RCAN1: variants seen among roughly 807,000 people sequenced by gnomAD.
RCAN1 encodes calcipressin-1.
Under a neutral mutation model 22.9 loss-of-function variants are expected in RCAN1, and 11 were observed. The observed-to-expected ratio is 0.48, with a 90% CI of 0.30 to 0.79. RCAN1 has a LOEUF of 0.79. RCAN1 is among the 30% of genes least tolerant of loss of function. The probability of loss-of-function intolerance (pLI) is 0.06; values close to 1 mark genes in which losing one functional copy is unlikely to be tolerated. For missense variants in RCAN1, 291 were observed against 337.8 expected, an observed-to-expected ratio of 0.86 and a Z score of 1.09; for synonymous variants, 136 against 142.3, an observed-to-expected ratio of 0.96 and a Z score of 0.32.
chr21:34,593,469 C>T (rs1393370755), intron 1 of RCAN1, among the ~76,000 whole-genome samples: 2 of 152,224 alleles, frequency 1.3e-5, no homozygotes, highest in African/African-American at 4.8e-5. Context: ...GGCAGAAGTG[C>T]CACCCTTTCA....
At chr21:34,586,094 G>A (rs1006127745) in intron 1 of RCAN1, among the ~76,000 whole-genome samples, 1 of 152,152 alleles carries the variant, frequency 6.6e-6, no homozygotes, top group Non-Finnish European at 1.5e-5. Flanking sequence ...AAATCATGGT[G>A]GGAAATTTTA....
chr21:34,545,224 C>T (rs988458160), intron 1 of RCAN1, among the ~76,000 whole-genome samples: 3 of 152,206 alleles, frequency 2.0e-5, no homozygotes, highest in Non-Finnish European at 4.4e-5. Flanking sequence ...GCTTCTTGCT[C>T]TCAGAGGGAG....
In RCAN1 at chr21:34,614,902, G is replaced by A; in HGVS notation, c.110C>T (p.Ser37Leu). The A allele has an allele frequency of 2.1e-6, 3 of 1,429,400 alleles. No individual in the cohort carries two copies. The highest frequency in any genetic ancestry group is 2.8e-6 in the Non-Finnish European group (3 of 1,085,048). 88.5% of individuals were successfully genotyped at this position (1,429,400 alleles called of 1,614,324 possible). The change falls in exon 1 of 4, where the codon TCG (serine) becomes TTG (leucine). Residue 37 changes from serine (S) to leucine (L), a missense_variant. By Grantham distance (145) the Ser-to-Leu change is moderately radical. Transcript: ENST00000313806. The surrounding 1 kb of genome is among the most constrained non-coding windows in gnomAD (Gnocchi z 6.0). ...GCCCTCGTCCGCCTCGGCCGCCCCC[G>A]AGAGGGGCGCGAAGGGCCGCAGCGT... is the stretch of plus-strand genomic sequence containing the variant. ...GVTLRPFAPL[S>L]GAAEADEGGG...
At chr21:34,536,651 G>A (rs1985685132) in intron 1 of RCAN1, among the ~76,000 whole-genome samples, 1 of 149,548 alleles carries the variant, frequency 6.7e-6, no homozygotes, top group Admixed American at 6.6e-5. Flanking sequence ...GCAGTGAGGG[G>A]TCCAGGCACA....
At chr21:34,552,438 G>C (rs1396053876) in intron 1 of RCAN1, among the ~76,000 whole-genome samples, 2 of 152,148 alleles carry the variant, frequency 1.3e-5, no homozygotes, top group African/African-American at 4.8e-5. Flanking sequence ...ATGTTAAGTT[G>C]GGTTAACTTC....
chr21:34,601,398 C>T (rs1988334881), intron 1 of RCAN1, among the ~76,000 whole-genome samples: 1 of 152,088 alleles, frequency 6.6e-6, no homozygotes, highest in South Asian at 2.1e-4. Context: ...AGTTACTTGC[C>T]CAAGGTCACA....
At chr21:34,550,163 T>C (rs987929066) in intron 1 of RCAN1, among the ~76,000 whole-genome samples, 2 of 152,256 alleles carry the variant, frequency 1.3e-5, no homozygotes, top group African/African-American at 4.8e-5. Flanking sequence ...TATGTTATTA[T>C]TGTCCCAATT....
At chr21:34,523,139 G>A (rs1374319149) in intron 2 of RCAN1, 3 of 159,352 alleles carry the variant, frequency 1.9e-5, no homozygotes, top group African/African-American at 7.2e-5. Context: ...CACCACATGA[G>A]CAGGGAACCA....
intron 1 of RCAN1, among the ~76,000 whole-genome samples, chr21:34,604,728 G>T (rs1225588853): frequency 6.6e-6 from 1 of 152,230 alleles, no homozygotes; most frequent in East Asian, 1.9e-4. Flanking sequence ...TGAAGGGAGA[G>T]GTGGTGTTTG....
chr21:34,530,291 C>T (rs1985308801), intron 1 of RCAN1, among the ~76,000 whole-genome samples: 1 of 152,184 alleles, frequency 6.6e-6, no homozygotes, highest in African/African-American at 2.4e-5. Flanking sequence ...TCCTCTGGCT[C>T]CAAACAGTTT....
chr21:34,579,339 G>A (rs951685169), intron 1 of RCAN1, among the ~76,000 whole-genome samples: 10 of 152,142 alleles, frequency 6.6e-5, no homozygotes, highest in African/African-American at 2.4e-4. Flanking sequence ...GTAGGCAGAG[G>A]CTGCAGTGAG....
At chr21:34,603,696 G>A (rs1988435627) in intron 1 of RCAN1, among the ~76,000 whole-genome samples, 2 of 152,170 alleles carry the variant, frequency 1.3e-5, no homozygotes, top group Non-Finnish European at 2.9e-5. Context: ...AAAGGGTGAA[G>A]AAGTCTCCTT....
chr21:34,597,338 A>G (rs1988195764), intron 1 of RCAN1, among the ~76,000 whole-genome samples: 1 of 152,244 alleles, frequency 6.6e-6, no homozygotes, highest in Non-Finnish European at 1.5e-5. Context: ...CCACATTTCA[A>G]GCACTCAGTG....
At chr21:34,541,435 T>C (rs1255437965) in intron 1 of RCAN1, among the ~76,000 whole-genome samples, 3 of 152,232 alleles carry the variant, frequency 2.0e-5, no homozygotes, top group Non-Finnish European at 4.4e-5. Flanking sequence ...CTTATACTAG[T>C]TAGTTAACGT....
intron 1 of RCAN1, among the ~76,000 whole-genome samples, chr21:34,580,111 A>G (rs1333498992): frequency 1.3e-5 from 2 of 152,206 alleles, no homozygotes; most frequent in Admixed American, 6.5e-5. Context: ...TTCAAAATAA[A>G]AAAGAGCCCA....
At chr21:34,541,429 T>C (rs887479156) in intron 1 of RCAN1, among the ~76,000 whole-genome samples, 1 of 152,258 alleles carries the variant, frequency 6.6e-6, no homozygotes, top group Non-Finnish European at 1.5e-5. Context: ...TAGGCGCTTA[T>C]ACTAGTTAGT....
intron 1 of RCAN1, among the ~76,000 whole-genome samples, chr21:34,553,538 T>A (rs1455656934): frequency 6.6e-6 from 1 of 152,196 alleles, no homozygotes; most frequent in Non-Finnish European, 1.5e-5. Flanking sequence ...ATCCTACTTT[T>A]CTCATTTCCT....
At chr21:34,613,949 G>T in intron 1 of RCAN1, 1 of 991,724 alleles carries the variant, frequency 1.0e-6, no homozygotes, top group African/African-American at 1.7e-5. Context: ...ATTCTGTGAC[G>T]CCCACGTTGT....
rs566790265 is a variant in RCAN1, at chr21:34,523,801, G to A, written c.253-91C>T. On this transcript the variant is annotated intron_variant, in intron 1 of 3. Transcript: ENST00000313806. ...TGTCATTACTTTTTTTTTTTTCTTCGAGACAGAGTCTTGCTCTGTCACCCA... is the reference window on the plus strand; with the variant it reads ...TGTCATTACTTTTTTTTTTTTCTTCAAGACAGAGTCTTGCTCTGTCACCCA... The A allele has an allele frequency of 3.8e-6, 4 of 1,058,492 alleles. No individual in the cohort carries two copies. The South Asian group carries it at 4.8e-5, about 13-fold the overall frequency. The allele number at this position is 1,058,492 out of a possible 1,614,324, so 65.6% of individuals were successfully genotyped here.
Sources: gnomAD v4.1 joint callset for allele counts (sites outside exome capture counted in the v4.1 genomes callset) on GRCh38, gnomAD v4.1.1 for gene constraint, Gnocchi (gnomAD v3.1) non-coding constraint, MANE v1.5 for transcripts, NCBI Gene and HGNC (gene_info 2026-07-23, HGNC 2026-07-21) for gene names.